Variants in ABL2 observed in about 807,000 individuals in gnomAD.
ABL2 encodes tyrosine-protein kinase ABL2.
A neutral mutation model predicts 107.7 loss-of-function variants in ABL2; 49 were observed. That is an observed-to-expected ratio of 0.45 (90% CI 0.36 to 0.58). The LOEUF (loss-of-function observed/expected upper bound fraction) is 0.58, where lower values mean the gene tolerates loss of function less well. Among genes scored for constraint, ABL2 ranks in the 20% least tolerant of loss-of-function variants. ABL2 has a pLI of 0.00. For missense variants in ABL2, 1,245 were observed against 1,457.0 expected (o/e 0.85, Z 2.37); for synonymous variants, 549 against 548.6 (o/e 1.00, Z -0.01).
intron 4 of ABL2, among the ~76,000 whole-genome samples, chr1:179,123,073 T>C (rs1284576984): frequency 1.3e-5 from 2 of 152,240 alleles, no homozygotes; most frequent in Non-Finnish European, 2.9e-5. Context: ...TGTAGAAATT[T>C]ACAAAATATC....
intron 1 of ABL2, among the ~76,000 whole-genome samples, chr1:179,228,175 C>G: frequency 6.6e-6 from 1 of 151,238 alleles, no homozygotes; most frequent in East Asian, 1.9e-4. Flanking sequence ...GACAAAATCC[C>G]ACCACCACCA....
At chr1:179,131,583 T>C (rs933482681) in intron 2 of ABL2, 102 bp from the exon 3 acceptor site, 1 of 1,230,746 alleles carries the variant, frequency 8.1e-7, no homozygotes, top group Non-Finnish European at 1.2e-6. Context: ...GGCTCCAGAG[T>C]AGGAAAGAAC....
intron 1 of ABL2, among the ~76,000 whole-genome samples, chr1:179,149,327 G>A (rs116190779): frequency 0.011 from 1,656 of 152,346 alleles, 28 homozygotes; most frequent in African/African-American, 0.038. Context: ...TTTGAAGGTA[G>A]CAGAGGTTGG....
At chr1:179,162,142 C>T (rs573562774) in intron 1 of ABL2, among the ~76,000 whole-genome samples, 1 of 152,136 alleles carries the variant, frequency 6.6e-6, no homozygotes, top group South Asian at 2.1e-4. Flanking sequence ...CAATATTTCC[C>T]AAAGTGTGTT....
rs28914534 is a variant in ABL2, at chr1:179,121,239, G to T, written c.960+356C>A. On this transcript the variant is annotated intron_variant, in intron 5 of 11. Transcript: ENST00000502732. Reference sequence around the variant, plus strand: ...ACAAGGGAGAGAAAGGACAGAACAAGAAAGAGGCCCATGACTCTCAGACAA... The same window carrying T: ...ACAAGGGAGAGAAAGGACAGAACAATAAAGAGGCCCATGACTCTCAGACAA... 8.5e-3 allele frequency among the ~76,000 whole-genome samples: 1,293 copies of T among 152,300 alleles called. 45 individuals carry two copies. Among genetic ancestry groups the T allele is most frequent in the Admixed American group, 0.057 (873 of 15,292 alleles).
In ABL2 at chr1:179,107,777, G is replaced by C. The variant is rs199707055; in HGVS notation, c.3490C>G (p.Pro1164Ala). The C allele has an allele frequency of 5.6e-6, 9 of 1,614,182 alleles. No homozygotes were observed. The East Asian group carries it at 2.0e-4, about 36-fold the overall frequency. ...SAAAGVPGTN[P>A]VLNNLLSCVQ... is the part of the protein sequence containing the mutation. ...CATGACAATAAGTTATTAAGGACAG[G>C]GTTTGTCCCGGGCACACCAGCAGCT... is the stretch of plus-strand genomic sequence containing the variant. The change falls in exon 12 of 12, where the codon CCT becomes GCT. Residue 1164 changes from proline to alanine, a missense_variant. Pro to Ala is a conservative substitution (Grantham distance 27). Transcript: ENST00000502732.
chr1:179,143,400 G>A (rs975021763), intron 1 of ABL2, among the ~76,000 whole-genome samples: 1 of 152,204 alleles, frequency 6.6e-6, no homozygotes, highest in African/African-American at 2.4e-5. Flanking sequence ...AGATGATGAG[G>A]TGAGACTAGA....
intron 4 of ABL2, among the ~76,000 whole-genome samples, chr1:179,124,346 C>T (rs1655525748): frequency 6.6e-6 from 1 of 152,016 alleles, no homozygotes; most frequent in Admixed American, 6.5e-5. Context: ...GTAAACATCA[C>T]CCACACCAAG....
At chr1:179,131,514 G>A in intron 2 of ABL2, 33 bp from the exon 3 acceptor site, 1 of 1,605,954 alleles carries the variant, frequency 6.2e-7, no homozygotes. Flanking sequence ...GGAATTCACG[G>A]TGAGTTCAAC....
At chr1:179,219,352 C>G (rs903041778) in intron 1 of ABL2, among the ~76,000 whole-genome samples, 1 of 151,722 alleles carries the variant, frequency 6.6e-6, no homozygotes. Flanking sequence ...CCTAAACAAG[C>G]CTTTAAGAAG....
intron 4 of ABL2, among the ~76,000 whole-genome samples, chr1:179,123,503 TA>T (rs1419248904): frequency 6.6e-6 from 1 of 151,820 alleles, no homozygotes; most frequent in African/African-American, 2.4e-5. Context: ...AGACTCCATC[TA>T]AAAAAAAGAA....
intron 1 of ABL2, among the ~76,000 whole-genome samples, chr1:179,182,644 T>G (rs1286292478): frequency 6.6e-6 from 1 of 152,244 alleles, no homozygotes; most frequent in East Asian, 1.9e-4. Context: ...TGTATACAGA[T>G]ATCACATTTT....
chr1:179,229,167 T>TGCCCCCCCCCCCCCCCCCCCCCC, intron 1 of ABL2, 74 bp downstream of exon 1: 1 of 402,570 alleles, frequency 2.5e-6, no homozygotes, highest in Non-Finnish European at 4.6e-6. Context: ...GGGCAGCCCG[T>TGCCCCCCCCCCCCCCCCCCCCCC]CCGCCACCCA....
At chr1:179,121,484 G>T in intron 5 of ABL2, 111 bp downstream of exon 5, 3 of 1,371,826 alleles carry the variant, frequency 2.2e-6, no homozygotes, top group South Asian at 1.3e-5. Context: ...GATGTGCTTG[G>T]CACTAGTGGG....
chr1:179,117,966 A>T (rs1654816387), intron 7 of ABL2, among the ~76,000 whole-genome samples: 1 of 151,898 alleles, frequency 6.6e-6, no homozygotes, highest in African/African-American at 2.4e-5. Flanking sequence ...AAAAAAAACA[A>T]AAAACAAAAC....
intron 1 of ABL2, among the ~76,000 whole-genome samples, chr1:179,181,381 C>A (rs939021342): frequency 5.3e-5 from 8 of 152,106 alleles, no homozygotes; most frequent in African/African-American, 1.9e-4. Context: ...TACTAACTTT[C>A]AGAAAACTGA....
intron 1 of ABL2, among the ~76,000 whole-genome samples, chr1:179,136,554 C>T (rs942304056): frequency 2.0e-5 from 3 of 147,866 alleles, no homozygotes; most frequent in South Asian, 4.2e-4. Context: ...TCTCAAGTAC[C>T]CAGGGACACA....
chr1:179,180,495 A>G (rs1660312476), intron 1 of ABL2, among the ~76,000 whole-genome samples: 1 of 152,008 alleles, frequency 6.6e-6, no homozygotes, highest in East Asian at 1.9e-4. Context: ...AAGGCCTACC[A>G]CCTCTCTACC....
Position 179,229,339 on chromosome 1 carries a change from C to T in ABL2, c.59G>A (p.Arg20His). 5 of 1,585,020 alleles carry T rather than the reference C, an allele frequency of 3.2e-6. No homozygotes were observed. Among genetic ancestry groups the T allele is most frequent in the Non-Finnish European group, 4.3e-6 (5 of 1,168,690 alleles). Residue 20 changes from arginine (R) to histidine (H), a missense_variant, in exon 1 of 12, where the codon CGC (arginine) becomes CAC (histidine). Arg to His is a conservative substitution (Grantham distance 29). Around this residue, in one of 3 missense-constraint regions of ABL2, gnomAD observed 164 missense variants for 143.7 expected, o/e 1.14. Coordinates refer to ENST00000502732, the MANE Select transcript of ABL2 (RefSeq NM_007314.4). Reference protein sequence around the residue: ...EAPGLQQPQPRGIRGSSAARP... With the variant: ...EAPGLQQPQPHGIRGSSAARP... The stretch of plus-strand genomic sequence containing the variant: ...GGCTGCACTGCTGCCCCGGATCCCG[C>T]GGGGCTGAGGCTGCTGGAGCCCCGG...
Sources: gnomAD v4.1 joint callset for allele counts (sites outside exome capture counted in the v4.1 genomes callset) on GRCh38, gnomAD v4.1.1 for gene constraint, gnomAD v4.1.1 regional missense constraint, MANE v1.5 for transcripts, NCBI Gene and HGNC (gene_info 2026-07-23, HGNC 2026-07-21) for gene names.